CTDSPL: variants seen among roughly 807,000 people sequenced by gnomAD.
CTDSPL encodes CTD small phosphatase-like protein.
Under a neutral mutation model 30.5 loss-of-function variants are expected in CTDSPL, and 8 were observed. The observed-to-expected ratio is 0.26, with a 90% CI of 0.15 to 0.47. CTDSPL has a LOEUF of 0.47. Among genes scored for constraint, CTDSPL ranks in the 20% least tolerant of loss-of-function variants. CTDSPL has a pLI of 0.99. For synonymous variants in CTDSPL, 110 were observed against 137.9 expected (o/e 0.80, Z 1.42); for missense variants, 248 against 366.1 (o/e 0.68, Z 2.63).
Position 37,862,320 on chromosome 3 carries a change from A to G in CTDSPL, c.79+42A>G. 1 of 1,421,816 alleles carries G rather than the reference A, an allele frequency of 7.0e-7. No individual in the cohort carries two copies. The highest frequency in any genetic ancestry group is 9.2e-7 in the Non-Finnish European group (1 of 1,084,534). 88.1% of individuals were successfully genotyped at this position (1,421,816 alleles called of 1,614,324 possible). ...GCGGCCGCGGGCTGGGGGCGAGCGC[A>G]CACCCCGCGCCGCTGGAGTTCACTG... On this transcript the variant is annotated intron_variant, in intron 1 of 7. Transcript: ENST00000273179. This position sits in a 1 kb window ranked among gnomAD's most constrained non-coding sequence, Gnocchi z 4.3.
intron 1 of CTDSPL, among the ~76,000 whole-genome samples, chr3:37,875,998 T>C (rs977044112): frequency 6.6e-6 from 1 of 152,066 alleles, no homozygotes; most frequent in African/African-American, 2.4e-5. Context: ...ATCCCAGCAC[T>C]TTAGGAGGCT....
rs1698950082 is a variant in CTDSPL at position 37,939,179 on chromosome 3, T to C, written c.80-7878T>C. 1.3e-5 allele frequency among the ~76,000 whole-genome samples: 2 copies of C among 150,364 alleles called. 1 individual carries two copies. Among genetic ancestry groups the C allele is most frequent in the Admixed American group, 1.3e-4 (2 of 14,970 alleles). On this transcript the variant is annotated intron_variant, in intron 1 of 7. Transcript: ENST00000273179. ...ATGTTCACAGTGAGACCCTGCACTG[T>C]ACCTAAACCAGTCACAATTTTTTGT...
In CTDSPL at chr3:37,936,249, A is replaced by G. The variant is rs146209318; in HGVS notation, c.80-10808A>G. Reference sequence around the variant, plus strand: ...TTTCTTTTATAGAGTGTCCGGTAGGAATTCCCTGGGGACATTTATCTCATG... The same window carrying G: ...TTTCTTTTATAGAGTGTCCGGTAGGGATTCCCTGGGGACATTTATCTCATG... On this transcript the variant is annotated intron_variant, in intron 1 of 7. Coordinates refer to ENST00000273179, the MANE Select transcript of CTDSPL (RefSeq NM_001008392.2). 1.3e-3 allele frequency among the ~76,000 whole-genome samples: 192 copies of G among 152,260 alleles called. 1 individual carries two copies. The highest frequency in any genetic ancestry group is 4.5e-3 in the African/African-American group (188 of 41,546).
chr3:37,962,442 TC>T, intron 3 of CTDSPL, among the ~76,000 whole-genome samples: 1 of 152,226 alleles, frequency 6.6e-6, no homozygotes, highest in Non-Finnish European at 1.5e-5. Context: ...CTCACCCTTC[TC>T]CATCTTTTCT....
At position 37,862,209 on chromosome 3, in the gene CTDSPL, C is replaced by G; in HGVS notation, c.10C>G (p.Pro4Ala). The G allele has an allele frequency of 7.0e-7, 1 of 1,430,338 alleles. No homozygotes were observed. The highest frequency in any genetic ancestry group is 9.2e-7 in the Non-Finnish European group (1 of 1,091,236). The allele number at this position is 1,430,338 out of a possible 1,614,324, so 88.6% of individuals were successfully genotyped here. The change falls in exon 1 of 8, where the codon CCG (proline) becomes GCG (alanine). Residue 4 changes from proline (P) to alanine (A), a missense_variant. Around this residue, in one of 4 missense-constraint regions of CTDSPL, gnomAD observed 118 missense variants for 124.7 expected, o/e 0.95. Coordinates refer to ENST00000273179, the MANE Select transcript of CTDSPL (RefSeq NM_001008392.2). This position sits in a 1 kb window ranked among gnomAD's most constrained non-coding sequence, Gnocchi z 4.3. MDG[P>A]AIITQVTNPK... is the part of the protein sequence containing the mutation. ...GCCGCGCCGCGCACCCATGGACGGC[C>G]CGGCCATCATCACCCAGGTGACCAA...
At position 37,898,433 on chromosome 3, in the gene CTDSPL, C is replaced by T. The variant is rs372726308; in HGVS notation, c.79+36155C>T. Among the ~76,000 whole-genome samples, 22 of 152,204 alleles carry T rather than the reference C, an allele frequency of 1.4e-4. No homozygotes were observed. In the South Asian group the frequency reaches 3.9e-3, roughly 27 times the overall value. On this transcript the variant is annotated intron_variant, in intron 1 of 7. Transcript: ENST00000273179. ...ATAATAGCAATATTAGGTTGGACCA[C>T]GTTAAGTTGCTGTTTTGCAGGTAAA...
intron 7 of CTDSPL, 43 bp from the exon 8 acceptor site, chr3:37,980,699 G>A (rs752120943): frequency 9.3e-6 from 15 of 1,610,304 alleles, no homozygotes; most frequent in South Asian, 4.4e-5. Context: ...AGCCCCCAGC[G>A]CTAGATGCAG....
chr3:37,965,605 A>G (rs1313560232), intron 4 of CTDSPL, among the ~76,000 whole-genome samples: 2 of 152,202 alleles, frequency 1.3e-5, no homozygotes, highest in Admixed American at 6.5e-5. Flanking sequence ...ACTGAGAGAC[A>G]TGAAGGTCAC....
At chr3:37,876,494 A>C in intron 1 of CTDSPL, among the ~76,000 whole-genome samples, 2 of 152,086 alleles carry the variant, frequency 1.3e-5, no homozygotes, top group Non-Finnish European at 2.9e-5. Flanking sequence ...TCAGTTTTTA[A>C]ATTTTAGCCA....
chr3:37,910,040 C>G (rs765826826), intron 1 of CTDSPL, among the ~76,000 whole-genome samples: 8 of 152,176 alleles, frequency 5.3e-5, no homozygotes, highest in Non-Finnish European at 7.3e-5. Flanking sequence ...GACTTAACTT[C>G]TATGCTTCAA....
intron 1 of CTDSPL, among the ~76,000 whole-genome samples, chr3:37,941,239 C>T (rs1315245096): frequency 6.7e-6 from 1 of 149,846 alleles, no homozygotes; most frequent in African/African-American, 2.4e-5. Flanking sequence ...ACAACCCTCT[C>T]CAGGGTTTCT....
chr3:37,970,095 C>G (rs1198175261), intron 5 of CTDSPL, among the ~76,000 whole-genome samples: 1 of 152,182 alleles, frequency 6.6e-6, no homozygotes, highest in Admixed American at 6.5e-5. Context: ...CTCTCACTAC[C>G]TCTGATGGCT....
At chr3:37,894,722 G>A (rs185689105) in intron 1 of CTDSPL, among the ~76,000 whole-genome samples, 602 of 152,186 alleles carry the variant, frequency 4.0e-3, no homozygotes, top group Middle Eastern at 0.02. Flanking sequence ...TTGTCCTACA[G>A]GTCTGAGGCT....
At chr3:37,868,041 A>C (rs1412953755) in intron 1 of CTDSPL, among the ~76,000 whole-genome samples, 4 of 152,136 alleles carry the variant, frequency 2.6e-5, no homozygotes, top group African/African-American at 9.7e-5. Context: ...GAATAGTGTA[A>C]TGATCAAGTC....
intron 1 of CTDSPL, among the ~76,000 whole-genome samples, chr3:37,879,898 TA>T (rs1698182665): frequency 6.6e-6 from 1 of 151,792 alleles, no homozygotes; most frequent in Non-Finnish European, 1.5e-5. Context: ...GAGCGTTTAA[TA>T]AACATTAATT....
At chr3:37,880,872 G>A (rs181107945) in intron 1 of CTDSPL, among the ~76,000 whole-genome samples, 161 of 152,232 alleles carry the variant, frequency 1.1e-3, no homozygotes, top group Middle Eastern at 3.4e-3. Flanking sequence ...AGATAGAAAG[G>A]AGTTTGTCAA....
At chr3:37,891,892 GTACA>G (rs1236361194) in intron 1 of CTDSPL, among the ~76,000 whole-genome samples, 1 of 151,560 alleles carries the variant, frequency 6.6e-6, no homozygotes. Context: ...GTACATACAT[GTACA>G]TACATGTACA....
At chr3:37,948,853 G>A (rs1251689747) in intron 2 of CTDSPL, among the ~76,000 whole-genome samples, 2 of 120,750 alleles carry the variant, frequency 1.7e-5, no homozygotes, top group African/African-American at 3.4e-5. Flanking sequence ...TCGCTCTGTC[G>A]CCCAGGCCGG....
Position 37,964,658 on chromosome 3 carries a change from C to T in CTDSPL, c.355C>T (p.His119Tyr). Residue 119 changes from histidine to tyrosine, a missense_variant, in exon 4 of 8, where the codon CAC (histidine) becomes TAC (tyrosine). By Grantham distance (83) the His-to-Tyr change is moderately conservative. Coordinates refer to ENST00000273179, the MANE Select transcript of CTDSPL (RefSeq NM_001008392.2). ...CATTGATTTAGATGAAACATTGGTG[C>T]ACAGTTCGTTTAAGGTAAATCAACA... Reference protein sequence around the residue: ...VVIDLDETLVHSSFKPISNAD... With the variant: ...VVIDLDETLVYSSFKPISNAD... 1 of 1,611,792 alleles carries T rather than the reference C, an allele frequency of 6.2e-7. No homozygotes were observed. The highest frequency in any genetic ancestry group is 8.5e-7 in the Non-Finnish European group (1 of 1,178,262).
Sources: allele counts gnomAD v4.1 joint callset (sites outside exome capture counted in the v4.1 genomes callset), GRCh38; gene constraint gnomAD v4.1.1; regional missense constraint gnomAD v4.1.1; non-coding constraint Gnocchi (gnomAD v3.1); transcripts MANE v1.5; gene names NCBI Gene and HGNC (gene_info 2026-07-23, HGNC 2026-07-21).